The following MFHAS1 variants were observed in gnomAD, a reference collection of about 807,000 sequenced individuals.
MFHAS1 encodes the protein multifunctional ROCO family signaling regulator 1.
A neutral mutation model predicts 70.4 loss-of-function variants in MFHAS1; 50 were observed. The ratio of observed to expected loss-of-function variants is 0.71; its 90% confidence interval spans 0.57 to 0.90. The LOEUF is 0.90. Among genes scored for constraint, MFHAS1 ranks in the 40% least tolerant of loss-of-function variants. MFHAS1 has a pLI of 0.00. For synonymous variants in MFHAS1, 952 were observed against 620.0 expected (o/e 1.54, Z -7.96); for missense variants, 1,795 against 1,347.6 (o/e 1.33, Z -5.20).
chr8:8,888,525 C>A (rs1248017003), intron 1 of MFHAS1, among the ~76,000 whole-genome samples: 2 of 152,034 alleles, frequency 1.3e-5, no homozygotes, highest in African/African-American at 2.4e-5. Flanking sequence ...AAAACACACA[C>A]ACACACACAC....
chr8:8,879,478 C>G (rs561359219), intron 1 of MFHAS1, among the ~76,000 whole-genome samples: 1 of 152,204 alleles, frequency 6.6e-6, no homozygotes, highest in Non-Finnish European at 1.5e-5. Context: ...CTCACAAGTT[C>G]TGCCTGAGAT....
In MFHAS1 at chr8:8,890,714, G is replaced by T. The variant is rs775430527; in HGVS notation, c.2345C>A (p.Ala782Asp). The T allele has an allele frequency of 5.0e-6, 8 of 1,613,640 alleles. No homozygotes were observed. The highest frequency in any genetic ancestry group is 6.8e-6 in the Non-Finnish European group (8 of 1,179,754). ...CTCCACATACTGATGGAGCTGGGTG[G>T]CCCGGAGCAGTTCCTGGCTGGGGGT... ...RSTPSQELLRATQLHQYVEGF... is the reference protein window; with the variant it reads ...RSTPSQELLRDTQLHQYVEGF... Residue 782 changes from alanine to aspartate, a missense_variant, in exon 1 of 3, where the codon GCC becomes GAC. By Grantham distance (126) the Ala-to-Asp change is moderately radical (BLOSUM62 -2). Transcript: ENST00000276282.
intron 2 of MFHAS1, among the ~76,000 whole-genome samples, chr8:8,787,035 A>C (rs982780462): frequency 1.3e-5 from 2 of 151,748 alleles, no homozygotes; most frequent in African/African-American, 4.8e-5. Context: ...TTTATCTTCA[A>C]CTCCTAATAA....
At chr8:8,844,459 C>G (rs927016045) in intron 1 of MFHAS1, among the ~76,000 whole-genome samples, 1 of 152,224 alleles carries the variant, frequency 6.6e-6, no homozygotes, top group Non-Finnish European at 1.5e-5. Context: ...TAGGCATATA[C>G]ACAGCACACC....
In MFHAS1 at chr8:8,891,853, G is replaced by C. The variant is rs199627224; in HGVS notation, c.1206C>G (p.Ser402=). The C allele has an allele frequency of 4.3e-6, 7 of 1,612,732 alleles. No individual in the cohort carries two copies. The highest frequency in any genetic ancestry group is 1.7e-5 in the Admixed American group (1 of 59,994). ...IAAYQKELAH[S]QPAVQPRLKL... ...TGAGCCGGGGCTGCACCGCCGGCTGGGAATGAGCCAGTTCCTTCTGGTAGG... is the reference window on the plus strand; with the variant it reads ...TGAGCCGGGGCTGCACCGCCGGCTGCGAATGAGCCAGTTCCTTCTGGTAGG... Residue 402 remains serine (S), a synonymous_variant, in exon 1 of 3, where the codon TCC becomes TCG. Coordinates refer to ENST00000276282, the MANE Select transcript of MFHAS1 (RefSeq NM_004225.3). This position sits in a 1 kb window ranked among gnomAD's most constrained non-coding sequence, Gnocchi z 5.4.
intron 1 of MFHAS1, among the ~76,000 whole-genome samples, chr8:8,818,904 G>A (rs1343680425): frequency 1.3e-5 from 2 of 152,228 alleles, no homozygotes; most frequent in Admixed American, 6.5e-5. Flanking sequence ...TCTGAAGGAA[G>A]TGTATTATTT....
At chr8:8,886,555 C>T (rs1809759988) in intron 1 of MFHAS1, among the ~76,000 whole-genome samples, 1 of 152,090 alleles carries the variant, frequency 6.6e-6, no homozygotes, top group Non-Finnish European at 1.5e-5. Context: ...CAGCTCAGGC[C>T]AGAAAATCCA....
chr8:8,825,470 G>A (rs1237334201), intron 1 of MFHAS1, among the ~76,000 whole-genome samples: 1 of 152,204 alleles, frequency 6.6e-6, no homozygotes, highest in East Asian at 1.9e-4. Flanking sequence ...ACCATGCCCA[G>A]CCTAAGAACA....
At chr8:8,799,209 C>T (rs186934907) in intron 1 of MFHAS1, among the ~76,000 whole-genome samples, 2 of 152,102 alleles carry the variant, frequency 1.3e-5, no homozygotes, top group East Asian at 1.9e-4. Context: ...TAAGTAGATA[C>T]CTATGATAAA....
chr8:8,864,345 T>A (rs889262500), intron 1 of MFHAS1, among the ~76,000 whole-genome samples: 4 of 152,210 alleles, frequency 2.6e-5, no homozygotes, highest in Non-Finnish European at 5.9e-5. Context: ...AAGGATGCCA[T>A]TCACACCAAG....
chr8:8,875,657 C>G (rs1014188508), intron 1 of MFHAS1, among the ~76,000 whole-genome samples: 3 of 152,164 alleles, frequency 2.0e-5, no homozygotes, highest in Non-Finnish European at 4.4e-5. Context: ...GTGGCACGAT[C>G]TCAGCTCACC....
intron 1 of MFHAS1, among the ~76,000 whole-genome samples, chr8:8,813,178 G>A (rs950718271): frequency 6.6e-6 from 1 of 152,158 alleles, no homozygotes; most frequent in Non-Finnish European, 1.5e-5. Flanking sequence ...GTAGAGCAAT[G>A]CATTATTCTT....
intron 1 of MFHAS1, among the ~76,000 whole-genome samples, chr8:8,841,074 T>A (rs138908016): frequency 1.3e-5 from 2 of 152,222 alleles, no homozygotes; most frequent in Admixed American, 1.3e-4. Context: ...GTAGGGCAAT[T>A]ACCAAGTGCC....
At chr8:8,796,318 C>G (rs536067838) in intron 2 of MFHAS1, among the ~76,000 whole-genome samples, 4 of 152,328 alleles carry the variant, frequency 2.6e-5, no homozygotes, top group African/African-American at 9.6e-5. Flanking sequence ...TACTGACTTT[C>G]TGCAGGCTTT....
chr8:8,848,328 G>A lies in MFHAS1; in HGVS notation c.2998+41733C>T, dbSNP rs77454064. On this transcript the variant is annotated intron_variant, in intron 1 of 2. Coordinates refer to ENST00000276282, the MANE Select transcript of MFHAS1 (RefSeq NM_004225.3). ...CTCCAATTTACACACCGCTGAACCC[G>A]TGTTAGCCATTTGGAGGGAGTGCCT... 3.4e-4 allele frequency among the ~76,000 whole-genome samples: 52 copies of A among 151,510 alleles called. No homozygotes were observed. In the East Asian group the frequency reaches 0.01, roughly 29 times the overall value.
intron 1 of MFHAS1, among the ~76,000 whole-genome samples, chr8:8,873,262 G>C (rs1271229602): frequency 1.3e-5 from 2 of 152,168 alleles, no homozygotes; most frequent in South Asian, 4.1e-4. Context: ...AGCATGTTCA[G>C]GGAAAATGTG....
intron 1 of MFHAS1, among the ~76,000 whole-genome samples, chr8:8,800,361 G>C (rs919816629): frequency 2.0e-5 from 3 of 152,212 alleles, no homozygotes; most frequent in Non-Finnish European, 4.4e-5. Flanking sequence ...AAAAATGCAA[G>C]TTAAAAATGT....
chr8:8,879,720 C>A (rs753755285), intron 1 of MFHAS1, among the ~76,000 whole-genome samples: 8 of 152,150 alleles, frequency 5.3e-5, no homozygotes, highest in Non-Finnish European at 1.0e-4. Context: ...CAAGAATCAA[C>A]AATGACATTA....
At chr8:8,830,980 C>A (rs1046904050) in intron 1 of MFHAS1, among the ~76,000 whole-genome samples, 1 of 152,166 alleles carries the variant, frequency 6.6e-6, no homozygotes, top group Non-Finnish European at 1.5e-5. Flanking sequence ...CAAAATACTA[C>A]GGATTGGGTA....
Sources: allele counts gnomAD v4.1 joint callset (sites outside exome capture counted in the v4.1 genomes callset), GRCh38; gene constraint gnomAD v4.1.1; non-coding constraint Gnocchi (gnomAD v3.1); transcripts MANE v1.5; gene names NCBI Gene and HGNC (gene_info 2026-07-23, HGNC 2026-07-21).